OGDH: variants seen among roughly 807,000 people sequenced by gnomAD.
OGDH encodes oxoglutarate dehydrogenase.
OGDH carries 38 observed loss-of-function variants against 116.6 expected under a neutral mutation model. The observed-to-expected ratio is 0.33, with a 90% confidence interval of 0.25 to 0.43. OGDH has a LOEUF of 0.43. OGDH is among the 20% of genes least tolerant of loss of function. OGDH has a pLI of 1.00. For missense variants in OGDH, 825 were observed against 1,357.2 expected, an observed-to-expected ratio of 0.61 and a Z score of 6.16; for synonymous variants, 488 against 533.3, an observed-to-expected ratio of 0.92 and a Z score of 1.17.
intron 1 of OGDH, among the ~76,000 whole-genome samples, chr7:44,612,244 T>G (rs2117216837): frequency 6.6e-6 from 1 of 152,326 alleles, no homozygotes; most frequent in African/African-American, 2.4e-5. Flanking sequence ...CTCTGTTGCA[T>G]TCCATTGATC....
At chr7:44,662,808 T>A (rs1199236869) in intron 4 of OGDH, among the ~76,000 whole-genome samples, 1 of 152,184 alleles carries the variant, frequency 6.6e-6, no homozygotes, top group Non-Finnish European at 1.5e-5. Context: ...AGAACTCCTG[T>A]CATTTGAATT....
chr7:44,607,355 C>G (rs992642484), intron 1 of OGDH, among the ~76,000 whole-genome samples: 3 of 152,198 alleles, frequency 2.0e-5, no homozygotes, highest in Non-Finnish European at 4.4e-5. Flanking sequence ...TTGTAATCTA[C>G]TGAGATTTAA....
At position 44,679,705 on chromosome 7, in the gene OGDH, A is replaced by G. The variant is rs185892860; in HGVS notation, c.1207-2015A>G. ...ATAAGATTAACGTTTAAACCAGTAG[A>G]TTTTGAGTAAAGTAGAAGACCTTGC... is the stretch of plus-strand genomic sequence containing the variant. On this transcript the variant is annotated intron_variant, in intron 9 of 22. Transcript: ENST00000222673. Among the ~76,000 whole-genome samples, 486 of 152,300 alleles carry G rather than the reference A, an allele frequency of 3.2e-3. 2 individuals carry two copies. Among genetic ancestry groups the G allele is most frequent in the South Asian group, 0.014 (66 of 4,822 alleles).
intron 10 of OGDH, among the ~76,000 whole-genome samples, chr7:44,685,690 C>G (rs1409488929): frequency 6.6e-6 from 1 of 151,964 alleles, no homozygotes; most frequent in Non-Finnish European, 1.5e-5. Flanking sequence ...GTGATCATAG[C>G]TCACTGCAGC....
intron 20 of OGDH, among the ~76,000 whole-genome samples, chr7:44,702,631 C>T (rs772357052): frequency 2.0e-5 from 3 of 152,046 alleles, no homozygotes; most frequent in Non-Finnish European, 4.4e-5. Context: ...CTCGCTCTAT[C>T]GCTCAGGCTG....
intron 2 of OGDH, among the ~76,000 whole-genome samples, chr7:44,638,757 G>A (rs892789411): frequency 1.3e-5 from 2 of 152,242 alleles, no homozygotes; most frequent in African/African-American, 4.8e-5. Context: ...CCACCTTTCA[G>A]TGAGTGGGCT....
Position 44,707,319 on chromosome 7 carries a change from T to C in OGDH, c.2727T>C (p.Tyr909=), listed in dbSNP as rs1378528215. 2 of 1,614,122 alleles carry C rather than the reference T, an allele frequency of 1.2e-6. No individual in the cohort carries two copies. Among genetic ancestry groups the C allele is most frequent in the Non-Finnish European group, 1.7e-6 (2 of 1,180,048 alleles). The change falls in exon 21 of 23, where the codon TAT becomes TAC. Residue 909 remains tyrosine, a synonymous_variant. Transcript: ENST00000222673. This position sits in a 1 kb window ranked among gnomAD's most constrained non-coding sequence, Gnocchi z 5.2. The stretch of plus-strand genomic sequence containing the variant: ...TTCTCTTCTGCACCGGCAAAGTGTA[T>C]TATGACCTCACCCGGGAGCGCAAAG... ...KRLLFCTGKV[Y]YDLTRERKAR... is the part of the protein sequence containing the mutation.
At chr7:44,642,936 T>A (rs6943561) in intron 2 of OGDH, among the ~76,000 whole-genome samples, 34,208 of 148,934 alleles carry the variant, frequency 0.23, 6,893 homozygotes, top group African/African-American at 0.53. Flanking sequence ...AAAAAAAAAA[T>A]TTTTAAATAT....
intron 5 of OGDH, 97 bp from the exon 6 acceptor site, chr7:44,673,690 C>G: frequency 8.2e-7 from 1 of 1,224,376 alleles, no homozygotes; most frequent in Non-Finnish European, 1.2e-6. Context: ...AAGCCTCCTG[C>G]TTATCCCCTC....
intron 2 of OGDH, among the ~76,000 whole-genome samples, chr7:44,644,674 T>G (rs1786091394): frequency 6.6e-6 from 1 of 152,226 alleles, no homozygotes; most frequent in African/African-American, 2.4e-5. Flanking sequence ...CTTTGAGCTC[T>G]TAGCTCCTGA....
chr7:44,665,417 T>G (rs970620347), intron 4 of OGDH, among the ~76,000 whole-genome samples: 6 of 151,986 alleles, frequency 3.9e-5, no homozygotes, highest in Non-Finnish European at 8.8e-5. Flanking sequence ...CCGAAAGCAT[T>G]AGATAAATAA....
rs888406332 is a variant in OGDH at position 44,682,385 on chromosome 7, C to CA, written c.1335+549dup. On this transcript the variant is annotated intron_variant, in intron 10 of 22. Transcript: ENST00000222673. ...GGACAACAAGAGCGAAACTCCATTT[C>CA]AAAAAAAAAAAAGAAAAGAAAAAAA... 9.9e-3 allele frequency among the ~76,000 whole-genome samples: 1,308 copies of CA among 131,726 alleles called. 22 individuals carry two copies. The highest frequency in any genetic ancestry group is 0.033 in the African/African-American group (1,168 of 35,884). 86.4% of individuals were successfully genotyped at this position (131,726 alleles called of 152,430 possible).
intron 4 of OGDH, among the ~76,000 whole-genome samples, chr7:44,652,907 G>A (rs1027700134): frequency 1.3e-5 from 2 of 152,098 alleles, no homozygotes; most frequent in Non-Finnish European, 2.9e-5. Flanking sequence ...TTGAAGAAGG[G>A]TCATCAGTTG....
At position 44,707,299 on chromosome 7, in the gene OGDH, T is replaced by G. The variant is rs1476042922; in HGVS notation, c.2707T>G (p.Phe903Val). Residue 903 changes from phenylalanine to valine, a missense_variant, in exon 21 of 23, where the codon TTC becomes GTC. This residue lies in a region of OGDH where 212 missense variants were observed against 284.3 expected (regional missense o/e 0.75). Transcript: ENST00000222673. This position sits in a 1 kb window ranked among gnomAD's most constrained non-coding sequence, Gnocchi z 5.2. ...QNPENVKRLLFCTGKVYYDLT... is the reference protein window; with the variant it reads ...QNPENVKRLLVCTGKVYYDLT... ...CCCAGAAAATGTCAAAAGGCTTCTCTTCTGCACCGGCAAAGTGTATTATGA... is the reference window on the plus strand; with the variant it reads ...CCCAGAAAATGTCAAAAGGCTTCTCGTCTGCACCGGCAAAGTGTATTATGA... 1.1e-5 allele frequency: 17 copies of G among 1,614,240 alleles called. No homozygotes were observed. Among genetic ancestry groups the G allele is most frequent in the Non-Finnish European group, 1.3e-5 (15 of 1,180,030 alleles).
At chr7:44,703,946 A>G (rs1788953255) in intron 20 of OGDH, among the ~76,000 whole-genome samples, 1 of 152,068 alleles carries the variant, frequency 6.6e-6, no homozygotes, top group South Asian at 2.1e-4. Context: ...TTGCTCATCC[A>G]TTCATCTGTC....
chr7:44,687,787 T>G (rs1788196803), intron 10 of OGDH, among the ~76,000 whole-genome samples: 1 of 152,146 alleles, frequency 6.6e-6, no homozygotes, highest in South Asian at 2.1e-4. Context: ...TATCATGTAA[T>G]TTACCCCTTT....
chr7:44,631,264 C>T (rs202180671), intron 2 of OGDH, among the ~76,000 whole-genome samples: 2 of 152,264 alleles, frequency 1.3e-5, no homozygotes, highest in East Asian at 1.9e-4. Context: ...GGGGTTTCAG[C>T]GATGAGCTTT....
In OGDH at chr7:44,697,306, G is replaced by A. The variant is rs1788630363; in HGVS notation, c.2052-64G>A. 2 of 1,600,826 alleles carry A rather than the reference G, an allele frequency of 1.2e-6. No homozygotes were observed. The highest frequency in any genetic ancestry group is 1.3e-5 in the African/African-American group (1 of 74,804). On this transcript the variant is annotated intron_variant, in intron 15 of 22. Coordinates refer to ENST00000222673, the MANE Select transcript of OGDH (RefSeq NM_002541.4). The surrounding 1 kb of genome is among the most constrained non-coding windows in gnomAD (Gnocchi z 6.0). ...TGGCATCTGCTGGTGCTTCGTGCGG[G>A]TCCCCAGCGTATTTGCTTGTCAAGT...
rs1035033765 is a variant in OGDH, at chr7:44,674,398, G to A, written c.789-13G>A. On this transcript the variant is annotated splice_polypyrimidine_tract_variant and intron_variant, in intron 6 of 22. Coordinates refer to ENST00000222673, the MANE Select transcript of OGDH (RefSeq NM_002541.4). ...TGACATTGCCCTTCAAGGTGGCTTG[G>A]TTCCCTGTCCAGGTTTGAGGAGTTC... is the stretch of plus-strand genomic sequence containing the variant. The A allele has an allele frequency of 3.1e-5, 50 of 1,613,836 alleles. No individual in the cohort carries two copies. The highest frequency in any genetic ancestry group is 4.2e-5 in the Non-Finnish European group (49 of 1,179,948).
Sources: gnomAD v4.1 joint callset for allele counts (sites outside exome capture counted in the v4.1 genomes callset) on GRCh38, gnomAD v4.1.1 for gene constraint, gnomAD v4.1.1 regional missense constraint, Gnocchi (gnomAD v3.1) non-coding constraint, MANE v1.5 for transcripts, NCBI Gene and HGNC (gene_info 2026-07-23, HGNC 2026-07-21) for gene names.